Variants in PTGES3L observed in about 807,000 individuals in gnomAD.
The protein encoded by PTGES3L is putative protein PTGES3L.
Under a neutral mutation model 25.0 loss-of-function variants are expected in PTGES3L, and 17 were observed. The observed-to-expected ratio is 0.68, with a 90% CI of 0.47 to 1.02. The LOEUF (loss-of-function observed/expected upper bound fraction) is 1.02. Among genes scored for constraint, PTGES3L ranks in the 50% least tolerant of loss-of-function variants. PTGES3L has a pLI of 0.00. For synonymous variants in PTGES3L, 59 were observed against 65.7 expected (o/e 0.90, Z 0.50); for missense variants, 202 against 197.5 (o/e 1.02, Z -0.14).
At chr17:42,979,736 C>G in intron 1 of PTGES3L, 73 bp from the exon 2 acceptor site, 5 of 1,554,422 alleles carry the variant, frequency 3.2e-6, no homozygotes, top group Non-Finnish European at 4.4e-6. Flanking sequence ...AAGGGACTAC[C>G]CAGGGACCTT....
chr17:42,970,261 G>A lies in PTGES3L; in HGVS notation c.432+28C>T, dbSNP rs1401885746. 10 of 1,613,562 alleles carry A rather than the reference G, an allele frequency of 6.2e-6. No homozygotes were observed. The African/African-American group carries it at 1.1e-4, about 17-fold the overall frequency. ...TGTTTTTAAGGGCTACAAAGAAACT[G>A]AAGGGTTGAGGGGAAGGCTTTACTT... On this transcript the variant is annotated intron_variant, in intron 6 of 6. Coordinates refer to ENST00000591916, the MANE Select transcript of PTGES3L (RefSeq NM_001261430.2).
At position 42,971,436 on chromosome 17, in the gene PTGES3L, A is replaced by G. The variant is rs553033595; in HGVS notation, c.378+171T>C. On this transcript the variant is annotated intron_variant, in intron 5 of 6. Coordinates refer to ENST00000591916, the MANE Select transcript of PTGES3L (RefSeq NM_001261430.2). Reference sequence around the variant, plus strand: ...AATAATATTCTTTCCTCTCATCCCTATTAAATAAACATTGCACAAAATACG... The same window carrying G: ...AATAATATTCTTTCCTCTCATCCCTGTTAAATAAACATTGCACAAAATACG... 3.9e-5 allele frequency among the ~76,000 whole-genome samples: 6 copies of G among 152,324 alleles called. No homozygotes were observed. The South Asian group carries it at 8.3e-4, about 21-fold the overall frequency.
chr17:42,973,925 C>T (rs2049905825), intron 4 of PTGES3L, among the ~76,000 whole-genome samples: 1 of 140,774 alleles, frequency 7.1e-6, no homozygotes, highest in African/African-American at 2.6e-5. Context: ...TGCTGACCTT[C>T]CCTCCACTAT....
At chr17:42,972,592 G>C (rs1348562693) in intron 4 of PTGES3L, among the ~76,000 whole-genome samples, 1 of 152,102 alleles carries the variant, frequency 6.6e-6, no homozygotes, top group Non-Finnish European at 1.5e-5. Flanking sequence ...CCGAGGTGCC[G>C]GGATTGCAGA....
intron 4 of PTGES3L, among the ~76,000 whole-genome samples, chr17:42,974,500 C>T (rs2049918850): frequency 6.6e-6 from 1 of 151,698 alleles, no homozygotes; most frequent in African/African-American, 2.4e-5. Context: ...TGGCCAGGTG[C>T]AGTGGCTAAC....
intron 4 of PTGES3L, among the ~76,000 whole-genome samples, chr17:42,974,591 G>A (rs1830913293): frequency 6.6e-6 from 1 of 151,802 alleles, no homozygotes; most frequent in African/African-American, 2.4e-5. Context: ...TGGCCAACAT[G>A]GTGAAACCCC....
Position 42,979,234 on chromosome 17 carries a change from G to A in PTGES3L, c.224C>T (p.Thr75Ile). ...TTCCTTCCATTTTCTCACAAAACAA[G>A]TAATAGAGCGGGAAGAGCGCTTATC... ...SQDKRSSRSITCFVRKWKEKV... is the reference protein window; with the variant it reads ...SQDKRSSRSIICFVRKWKEKV... Residue 75 changes from threonine to isoleucine, a missense_variant, in exon 4 of 7, where the codon ACT becomes ATT. Transcript: ENST00000591916. The A allele has an allele frequency of 6.2e-7, 1 of 1,614,092 alleles. No homozygotes were observed. The highest frequency in any genetic ancestry group is 1.1e-5 in the South Asian group (1 of 91,078).
chr17:42,977,556 A>C (rs1216572964), intron 4 of PTGES3L, among the ~76,000 whole-genome samples: 8 of 148,338 alleles, frequency 5.4e-5, no homozygotes, highest in Non-Finnish European at 9.0e-5. Flanking sequence ...GTGAGCCGAG[A>C]TGGCGCCATT....
chr17:42,969,236 AG>A, intron 6 of PTGES3L, 50 bp from the exon 7 acceptor site: 1 of 1,034,316 alleles, frequency 9.7e-7, no homozygotes, highest in South Asian at 1.5e-5. Flanking sequence ...CCTGCAAAGC[AG>A]GAACATTTGT....
chr17:42,971,576 T>G (rs746191699), intron 5 of PTGES3L, 31 bp downstream of exon 5: 1 of 1,611,834 alleles, frequency 6.2e-7, no homozygotes, highest in African/African-American at 1.3e-5. Context: ...AATGATCAAG[T>G]GGGCAGAACA....
chr17:42,978,764 G>C (rs2050011457), intron 4 of PTGES3L, among the ~76,000 whole-genome samples: 1 of 152,142 alleles, frequency 6.6e-6, no homozygotes, highest in Non-Finnish European at 1.5e-5. Context: ...ACTTTGGGAG[G>C]CCGAGGCGGG....
chr17:42,979,891 C>T, intron 1 of PTGES3L, 155 bp downstream of exon 1: 2 of 1,445,224 alleles, frequency 1.4e-6, no homozygotes, highest in Admixed American at 2.7e-5. Flanking sequence ...TCAGGGAGAA[C>T]ATTCAGGTCA....
At position 42,979,679 on chromosome 17, in the gene PTGES3L, G is replaced by C; in HGVS notation, c.9-16C>G. On this transcript the variant is annotated splice_polypyrimidine_tract_variant and intron_variant, in intron 1 of 6. Transcript: ENST00000591916. The stretch of plus-strand genomic sequence containing the variant: ...GGCGTGCTGCCTGAAGAGAAGTTGA[G>C]GTGTGGCTTCATAGGGGTGGGAGAG... 2.5e-6 allele frequency: 4 copies of C among 1,612,082 alleles called. No homozygotes were observed. Among genetic ancestry groups the C allele is most frequent in the Non-Finnish European group, 3.4e-6 (4 of 1,178,988 alleles).
intron 5 of PTGES3L, among the ~76,000 whole-genome samples, chr17:42,970,578 T>C (rs1197099107): frequency 6.6e-6 from 1 of 152,008 alleles, no homozygotes; most frequent in African/African-American, 2.4e-5. Context: ...CCAAATAATA[T>C]AACGACAGTG....
chr17:42,978,239 T>TCTA (rs2049999034), intron 4 of PTGES3L, among the ~76,000 whole-genome samples: 1 of 151,710 alleles, frequency 6.6e-6, no homozygotes, highest in Non-Finnish European at 1.5e-5. Context: ...AAACCCCGTC[T>TCTA]CTACTAAAAA....
intron 1 of PTGES3L, 56 bp from the exon 2 acceptor site, chr17:42,979,719 A>G: frequency 6.3e-7 from 1 of 1,585,636 alleles, no homozygotes; most frequent in Non-Finnish European, 8.6e-7. Flanking sequence ...GACTGAGGTC[A>G]TTTGGGAAGG....
Position 42,979,654 on chromosome 17 carries a change from G to A in PTGES3L, c.18C>T (p.Ala6=), listed in dbSNP as rs1233924750. 3 of 1,613,932 alleles carry A rather than the reference G, an allele frequency of 1.9e-6. No individual in the cohort carries two copies. Among genetic ancestry groups the A allele is most frequent in the Non-Finnish European group, 2.5e-6 (3 of 1,179,974 alleles). ...TGGGCCTGTCGTACCACAAGGTCCG[G>A]GCGTGCTGCCTGAAGAGAAGTTGAG... MARQH[A]RTLWYDRPRY... The change falls in exon 2 of 7, where the codon GCC becomes GCT. Residue 6 remains alanine (A), a synonymous_variant. Transcript: ENST00000591916.
chr17:42,978,155 C>T (rs2049997540), intron 4 of PTGES3L, among the ~76,000 whole-genome samples: 1 of 149,762 alleles, frequency 6.7e-6, no homozygotes, highest in South Asian at 2.1e-4. Flanking sequence ...GCCTGTAATC[C>T]TAGCAGTTTG....
At chr17:42,973,529 A>C (rs1355325793) in intron 4 of PTGES3L, among the ~76,000 whole-genome samples, 1 of 152,036 alleles carries the variant, frequency 6.6e-6, no homozygotes, top group African/African-American at 2.4e-5. Context: ...CAGGATGACA[A>C]TGGCGGCTTT....
Sources: allele counts gnomAD v4.1 joint callset (sites outside exome capture counted in the v4.1 genomes callset), GRCh38; gene constraint gnomAD v4.1.1; transcripts MANE v1.5; gene names NCBI Gene and HGNC (gene_info 2026-07-23, HGNC 2026-07-21).